Variants in EIPR1 observed in about 807,000 individuals in gnomAD.
EIPR1 encodes EARP and GARP complex-interacting protein 1.
In EIPR1, 25 loss-of-function variants were observed where a neutral mutation model predicts 48.1. The ratio of observed to expected loss-of-function variants is 0.52; its 90% CI spans 0.38 to 0.73. The LOEUF is 0.73. Ranked by LOEUF, EIPR1 falls within the 30% of genes least tolerant of loss-of-function variation. EIPR1 has a pLI of 0.00. For synonymous variants in EIPR1, 204 were observed against 201.9 expected (o/e 1.01, Z -0.09); for missense variants, 415 against 506.2 (o/e 0.82, Z 1.73).
chr2:3,192,347 C>T lies in EIPR1; in HGVS notation c.989+67G>A, dbSNP rs138271474. 141 of 1,485,124 alleles carry T rather than the reference C, an allele frequency of 9.5e-5. 2 individuals carry two copies. In the South Asian group the frequency reaches 1.4e-3, roughly 15 times the overall value. 92.0% of individuals were successfully genotyped at this position (1,485,124 alleles called of 1,614,324 possible). ...AACTTTCTACATACACAGCCTGGCT[C>T]GGGAGATGGCTGTGCAGACAGGAGG... On this transcript the variant is annotated intron_variant, in intron 8 of 8. Transcript: ENST00000382125.
At chr2:3,314,261 T>C (rs1042118497) in intron 3 of EIPR1, among the ~76,000 whole-genome samples, 5 of 152,272 alleles carry the variant, frequency 3.3e-5, no homozygotes, top group Non-Finnish European at 5.9e-5. Flanking sequence ...AGGCAGGAGA[T>C]TGATTCCGGC....
At chr2:3,273,964 G>C (rs908848805) in intron 3 of EIPR1, among the ~76,000 whole-genome samples, 3 of 152,092 alleles carry the variant, frequency 2.0e-5, no homozygotes, top group Non-Finnish European at 4.4e-5. Context: ...AATTTACCAG[G>C]AATCTTCTTA....
At chr2:3,374,316 T>C (rs1659798506) in intron 1 of EIPR1, among the ~76,000 whole-genome samples, 1 of 152,090 alleles carries the variant, frequency 6.6e-6, no homozygotes, top group South Asian at 2.1e-4. Flanking sequence ...GACATAGGCA[T>C]GGGCAAGGAC....
At chr2:3,355,165 C>T (rs1207073605) in intron 1 of EIPR1, among the ~76,000 whole-genome samples, 3 of 152,176 alleles carry the variant, frequency 2.0e-5, no homozygotes, top group Non-Finnish European at 2.9e-5. Flanking sequence ...CACCTGGTCA[C>T]GCTTCACCTA....
At position 3,277,955 on chromosome 2, in the gene EIPR1, G is replaced by A. The variant is rs141533581; in HGVS notation, c.260-20500C>T. ...CTCCAGCCATTCATGGAATGAGGGG[G>A]CACAAGCCAGTCAGGGCTGCACCAG... On this transcript the variant is annotated intron_variant, in intron 3 of 8. Transcript: ENST00000382125. 3.0e-4 allele frequency among the ~76,000 whole-genome samples: 46 copies of A among 152,318 alleles called. 1 individual carries two copies. The highest frequency in any genetic ancestry group is 1.5e-3 in the Admixed American group (23 of 15,304).
chr2:3,324,726 C>A (rs1669639956), intron 3 of EIPR1, among the ~76,000 whole-genome samples: 1 of 152,236 alleles, frequency 6.6e-6, no homozygotes, highest in South Asian at 2.1e-4. Flanking sequence ...GCAGGAGGCC[C>A]GCTGGAAGAT....
chr2:3,269,401 C>T lies in EIPR1; in HGVS notation c.260-11946G>A, dbSNP rs560199011. On this transcript the variant is annotated intron_variant, in intron 3 of 8. Coordinates refer to ENST00000382125, the MANE Select transcript of EIPR1 (RefSeq NM_003310.5). The stretch of plus-strand genomic sequence containing the variant: ...GCACTCAGTCATCGCACTCAGTCAT[C>T]GCACTCAATCATCGCACTCAATCAT... Among the ~76,000 whole-genome samples the T allele has an allele frequency of 5.0e-5, 7 of 139,274 alleles. 1 individual carries two copies. Among genetic ancestry groups the T allele is most frequent in the African/African-American group, 8.4e-5 (3 of 35,590 alleles). 91.4% of individuals were successfully genotyped at this position (139,274 alleles called of 152,430 possible).
At chr2:3,200,724 T>C (rs1234197180) in intron 5 of EIPR1, among the ~76,000 whole-genome samples, 1 of 151,830 alleles carries the variant, frequency 6.6e-6, no homozygotes. Context: ...GGATTAAGCT[T>C]GAGTCATGAA....
At chr2:3,238,015 A>C (rs1055534453) in intron 4 of EIPR1, among the ~76,000 whole-genome samples, 1 of 152,306 alleles carries the variant, frequency 6.6e-6, no homozygotes, top group East Asian at 1.9e-4. Context: ...AGCTTCAACG[A>C]CAAAGGCTTA....
At chr2:3,373,374 T>A (rs993646948) in intron 1 of EIPR1, among the ~76,000 whole-genome samples, 6 of 152,286 alleles carry the variant, frequency 3.9e-5, no homozygotes, top group African/African-American at 1.4e-4. Flanking sequence ...TTGGAAGTTC[T>A]GGCCAGGGCA....
intron 7 of EIPR1, among the ~76,000 whole-genome samples, 193 bp downstream of exon 7, chr2:3,193,806 C>G (rs938490225): frequency 2.4e-4 from 36 of 152,186 alleles, no homozygotes; most frequent in Non-Finnish European, 1.2e-4. Flanking sequence ...TGTTTTTCTT[C>G]TTTTCCTACG....
chr2:3,272,991 T>G (rs1667743229), intron 3 of EIPR1, among the ~76,000 whole-genome samples: 1 of 152,176 alleles, frequency 6.6e-6, no homozygotes, highest in Non-Finnish European at 1.5e-5. Flanking sequence ...GAGAACACAG[T>G]TTAGACTGTG....
At chr2:3,269,668 TCAATCATCG>T (rs1205633770) in intron 3 of EIPR1, among the ~76,000 whole-genome samples, 95 of 149,292 alleles carry the variant, frequency 6.4e-4, no homozygotes, top group East Asian at 8.0e-4. Flanking sequence ...ATCATCACAC[TCAATCATCG>T]CAATCATCGC....
At chr2:3,265,448 A>C (rs912104589) in intron 3 of EIPR1, among the ~76,000 whole-genome samples, 1 of 152,112 alleles carries the variant, frequency 6.6e-6, no homozygotes, top group Non-Finnish European at 1.5e-5. Flanking sequence ...AGTGTTCAAC[A>C]CACATCCAGC....
At chr2:3,225,153 T>C (rs566244013) in intron 4 of EIPR1, among the ~76,000 whole-genome samples, 48 of 152,098 alleles carry the variant, frequency 3.2e-4, no homozygotes, top group East Asian at 9.6e-4. Flanking sequence ...GTTGGCTTTT[T>C]CCCCCCCAGA....
chr2:3,204,098 G>A (rs1665140996), intron 5 of EIPR1, among the ~76,000 whole-genome samples: 1 of 152,266 alleles, frequency 6.6e-6, no homozygotes, highest in South Asian at 2.1e-4. Context: ...ACTGACCAGA[G>A]GTGAAAGGGA....
chr2:3,225,750 ATCTTATAAGCTGAACGT>A (rs1285191888), intron 4 of EIPR1, among the ~76,000 whole-genome samples: 1 of 152,190 alleles, frequency 6.6e-6, no homozygotes, highest in East Asian at 1.9e-4. Flanking sequence ...GAATGTATTC[ATCTTATAAGCTGAACGT>A]TCCTAACCTT....
chr2:3,364,744 G>GT (rs1670934404), intron 1 of EIPR1, among the ~76,000 whole-genome samples: 1 of 152,138 alleles, frequency 6.6e-6, no homozygotes, highest in South Asian at 2.1e-4. Flanking sequence ...GACAACACAT[G>GT]TTTTCAGTCA....
At chr2:3,337,734 A>G (rs1445115980) in intron 3 of EIPR1, among the ~76,000 whole-genome samples, 3 of 152,190 alleles carry the variant, frequency 2.0e-5, no homozygotes, top group African/African-American at 4.8e-5. Context: ...ACATCAGGAC[A>G]CTTGTGTCTG....
Sources: gnomAD v4.1 joint callset for allele counts (sites outside exome capture counted in the v4.1 genomes callset) on GRCh38, gnomAD v4.1.1 for gene constraint, MANE v1.5 for transcripts, NCBI Gene and HGNC (gene_info 2026-07-23, HGNC 2026-07-21) for gene names.